TRPM3: variants seen among roughly 807,000 people sequenced by gnomAD.
TRPM3 encodes transient receptor potential cation channel subfamily M member 3.
Under a neutral mutation model 181.2 loss-of-function variants are expected in TRPM3, and 77 were observed. That is an observed-to-expected ratio of 0.42 (90% confidence interval 0.35 to 0.51). TRPM3 has a LOEUF of 0.51. Among genes scored for constraint, TRPM3 ranks in the 20% least tolerant of loss-of-function variants. The pLI, the probability that TRPM3 is intolerant of heterozygous loss-of-function variation, is 0.01. For synonymous variants in TRPM3, 745 were observed against 796.4 expected (o/e 0.94, Z 1.09); for missense variants, 1,759 against 2,196.7 (o/e 0.80, Z 3.98).
At chr9:70,998,183 A>G (rs1363347759) in intron 1 of TRPM3, among the ~76,000 whole-genome samples, 1 of 145,958 alleles carries the variant, frequency 6.9e-6, no homozygotes, top group Non-Finnish European at 1.5e-5. Context: ...ACATATATAT[A>G]CATATATACA....
At chr9:71,243,947 T>C (rs544436967) in intron 1 of TRPM3, among the ~76,000 whole-genome samples, 6 of 152,300 alleles carry the variant, frequency 3.9e-5, no homozygotes, top group Admixed American at 1.3e-4. Flanking sequence ...TGAATTCCTC[T>C]CTTTGTCCCA....
At chr9:71,078,725 C>A (rs970876028) in intron 1 of TRPM3, among the ~76,000 whole-genome samples, 3 of 152,210 alleles carry the variant, frequency 2.0e-5, no homozygotes, top group Non-Finnish European at 4.4e-5. Context: ...GTATAAGAGT[C>A]TCTCTGCTGG....
At chr9:70,868,602 T>C (rs913855132) in intron 1 of TRPM3, among the ~76,000 whole-genome samples, 4 of 151,998 alleles carry the variant, frequency 2.6e-5, no homozygotes, top group Admixed American at 6.6e-5. Flanking sequence ...TACAAGCACA[T>C]ACACACACAC....
intron 22 of TRPM3, among the ~76,000 whole-genome samples, chr9:70,554,346 G>C (rs1302394019): frequency 6.6e-6 from 1 of 152,128 alleles, no homozygotes; most frequent in South Asian, 2.1e-4. Context: ...AAGGTGGTTG[G>C]GGGGAGTGGG....
intron 6 of TRPM3, among the ~76,000 whole-genome samples, chr9:70,819,065 G>T (rs1204709535): frequency 3.3e-5 from 5 of 152,220 alleles, no homozygotes; most frequent in African/African-American, 9.6e-5. Flanking sequence ...TGAGGAGAGG[G>T]TTATGGGAAA....
chr9:70,740,567 T>C (rs1011277050), intron 8 of TRPM3, among the ~76,000 whole-genome samples: 3 of 152,166 alleles, frequency 2.0e-5, no homozygotes, highest in African/African-American at 7.2e-5. Flanking sequence ...TCACATTACC[T>C]GACTTCAAAC....
chr9:70,998,154 T>C (rs750797931), intron 1 of TRPM3, among the ~76,000 whole-genome samples: 8 of 27,502 alleles, frequency 2.9e-4, no homozygotes, highest in South Asian at 2.7e-3. Context: ...CATATATATA[T>C]ACATATATAC....
intron 1 of TRPM3, among the ~76,000 whole-genome samples, chr9:71,389,079 C>T (rs1404226299): frequency 6.6e-6 from 1 of 151,826 alleles, no homozygotes; most frequent in Non-Finnish European, 1.5e-5. Context: ...AAATCTTCAC[C>T]ATCTATACAT....
intron 1 of TRPM3, among the ~76,000 whole-genome samples, chr9:71,169,034 C>T (rs2076704105): frequency 6.6e-6 from 1 of 152,102 alleles, no homozygotes; most frequent in South Asian, 2.1e-4. Context: ...CAGGTTGTAT[C>T]AGGCATTGGC....
intron 1 of TRPM3, among the ~76,000 whole-genome samples, chr9:71,162,234 AAG>A (rs2076316786): frequency 6.6e-6 from 1 of 151,638 alleles, no homozygotes; most frequent in South Asian, 2.1e-4. Flanking sequence ...GAAAAAGAAA[AAG>A]AAAAAAGGAA....
At chr9:71,268,849 T>TA (rs984574848) in intron 1 of TRPM3, among the ~76,000 whole-genome samples, 18 of 151,618 alleles carry the variant, frequency 1.2e-4, no homozygotes, top group East Asian at 1.9e-4. Flanking sequence ...AATTAAAAAT[T>TA]AAAAAAAACA....
chr9:70,687,654 A>G (rs897283049), intron 8 of TRPM3, among the ~76,000 whole-genome samples: 1 of 152,340 alleles, frequency 6.6e-6, no homozygotes. Context: ...CTCACGTTGA[A>G]GAGAAGCAAA....
At chr9:70,686,409 A>C (rs551151430) in intron 8 of TRPM3, among the ~76,000 whole-genome samples, 29 of 152,278 alleles carry the variant, frequency 1.9e-4, no homozygotes, top group African/African-American at 7.0e-4. Flanking sequence ...AACTTTGTAG[A>C]TATGGAATTT....
intron 1 of TRPM3, among the ~76,000 whole-genome samples, chr9:71,109,591 T>C (rs1200044527): frequency 6.6e-6 from 1 of 152,238 alleles, no homozygotes; most frequent in Non-Finnish European, 1.5e-5. Context: ...AAAAGTTTTC[T>C]ATCTTGTCAA....
intron 1 of TRPM3, among the ~76,000 whole-genome samples, chr9:71,372,573 G>A (rs1002653065): frequency 1.3e-5 from 2 of 152,116 alleles, no homozygotes; most frequent in South Asian, 2.1e-4. Context: ...GTATCTCATT[G>A]TGGTTTTAAT....
intron 9 of TRPM3, among the ~76,000 whole-genome samples, chr9:70,641,973 T>C (rs1283564128): frequency 5.3e-5 from 8 of 152,134 alleles, no homozygotes; most frequent in Non-Finnish European, 1.0e-4. Flanking sequence ...TGAAATGAGA[T>C]TGTATAAGTG....
intron 7 of TRPM3, among the ~76,000 whole-genome samples, chr9:70,781,988 G>GA (rs1252612473): frequency 4.0e-5 from 6 of 150,754 alleles, no homozygotes; most frequent in South Asian, 2.1e-4. Context: ...TGAGTTTTCT[G>GA]AAAAAACAAA....
At chr9:71,323,476 A>T (rs2089424527) in intron 1 of TRPM3, among the ~76,000 whole-genome samples, 1 of 152,084 alleles carries the variant, frequency 6.6e-6, no homozygotes, top group African/African-American at 2.4e-5. Context: ...ATGTTAACTG[A>T]ACTCACCAAA....
chr9:70,971,318 A>G (rs1396062521), intron 1 of TRPM3, among the ~76,000 whole-genome samples: 1 of 152,154 alleles, frequency 6.6e-6, no homozygotes, highest in Non-Finnish European at 1.5e-5. Context: ...CACTCGCAGC[A>G]TATTGAAATA....
Sources: gnomAD v4.1 joint callset for allele counts (sites outside exome capture counted in the v4.1 genomes callset) on GRCh38, gnomAD v4.1.1 for gene constraint, MANE v1.5 for transcripts, NCBI Gene and HGNC (gene_info 2026-07-23, HGNC 2026-07-21) for gene names.